Variants in CACNA1E observed in about 807,000 individuals in gnomAD.
CACNA1E encodes the protein calcium voltage-gated channel subunit alpha1 E.
Under a neutral mutation model 259.2 loss-of-function variants are expected in CACNA1E, and 40 were observed. That is an observed-to-expected ratio of 0.15 (90% CI 0.12 to 0.20). The LOEUF (loss-of-function observed/expected upper bound fraction) is 0.20. Ranked by LOEUF, CACNA1E falls within the 10% of genes least tolerant of loss-of-function variation. The pLI is 1.00. For missense variants in CACNA1E, 1,874 were observed against 3,040.1 expected (o/e 0.62, Z 9.02); for synonymous variants, 1,104 against 1,138.5 (o/e 0.97, Z 0.61).
chr1:181,334,554 A>G (rs1444793146), intron 1 of CACNA1E, among the ~76,000 whole-genome samples: 1 of 152,122 alleles, frequency 6.6e-6, no homozygotes, highest in Non-Finnish European at 1.5e-5. Flanking sequence ...TGACAACACC[A>G]TCCTTCTAAT....
At chr1:181,419,117 AT>A (rs1658514673) in intron 2 of CACNA1E, among the ~76,000 whole-genome samples, 2 of 152,124 alleles carry the variant, frequency 1.3e-5, no homozygotes, top group South Asian at 4.1e-4. Context: ...TTCACAAAGG[AT>A]TTAGAAAGGT....
At chr1:181,484,208 A>C (rs1465580070) in intron 1 of CACNA1E, among the ~76,000 whole-genome samples, 198 bp downstream of exon 1, 2 of 152,014 alleles carry the variant, frequency 1.3e-5, no homozygotes, top group African/African-American at 4.8e-5. Context: ...TTTCAAGGTA[A>C]GACTTTTGGT....
intron 1 of CACNA1E, among the ~76,000 whole-genome samples, chr1:181,360,022 T>C (rs1653747036): frequency 6.6e-6 from 1 of 152,170 alleles, no homozygotes; most frequent in African/African-American, 2.4e-5. Context: ...GCAAGGCTGC[T>C]CTAGGTCTGA....
chr1:181,680,762 A>C, intron 7 of CACNA1E, among the ~76,000 whole-genome samples: 1 of 152,148 alleles, frequency 6.6e-6, no homozygotes, highest in East Asian at 1.9e-4. Context: ...GGGGCGCTTG[A>C]AAACGTTGGC....
intron 1 of CACNA1E, among the ~76,000 whole-genome samples, chr1:181,328,822 C>T (rs771013905): frequency 3.9e-5 from 6 of 152,158 alleles, no homozygotes; most frequent in Non-Finnish European, 8.8e-5. Context: ...TTGGGAGGCC[C>T]TCACGCCAAA....
At chr1:181,355,542 C>T (rs991458670) in intron 1 of CACNA1E, among the ~76,000 whole-genome samples, 11 of 152,024 alleles carry the variant, frequency 7.2e-5, no homozygotes, top group African/African-American at 2.4e-4. Flanking sequence ...GAGCCGAAAT[C>T]GCACCAATAC....
chr1:181,671,802 A>G (rs6662841), intron 7 of CACNA1E, among the ~76,000 whole-genome samples: 21,240 of 152,264 alleles, frequency 0.14, 2,903 homozygotes, highest in African/African-American at 0.36. Context: ...GGAAGGCTTC[A>G]TTCTTCACTC....
chr1:181,634,045 G>A (rs1179356506), intron 6 of CACNA1E, among the ~76,000 whole-genome samples: 1 of 152,206 alleles, frequency 6.6e-6, no homozygotes, highest in African/African-American at 2.4e-5. Context: ...TGGCCCACCA[G>A]TTTGCACCCC....
In CACNA1E at chr1:181,794,891, C is replaced by T. The variant is rs1259782913; in HGVS notation, c.6055C>T (p.Arg2019Cys). Residue 2019 changes from arginine (R) to cysteine (C), a missense_variant, in exon 46 of 48, where the codon CGT becomes TGT. Physicochemically the swap from Arg to Cys is radical, Grantham distance 180. Around this residue, in one of 14 missense-constraint regions of CACNA1E, gnomAD observed 542 missense variants for 587.2 expected, o/e 0.92. Coordinates refer to ENST00000367573, the MANE Select transcript of CACNA1E (RefSeq NM_001205293.3). ...QVVTDPSSMR[R>C]SFSTIRDKRS... ...GGTGACAGACCCTAGCTCCATGAGA[C>T]GTTCATTTTCCACTATTCGGGATAA... 7 of 1,613,546 alleles carry T rather than the reference C, an allele frequency of 4.3e-6. No homozygotes were observed. The highest frequency in any genetic ancestry group is 8.5e-7 in the Non-Finnish European group (1 of 1,179,634).
intron 6 of CACNA1E, among the ~76,000 whole-genome samples, chr1:181,602,099 A>C (rs886576415): frequency 6.6e-6 from 1 of 152,150 alleles, no homozygotes; most frequent in African/African-American, 2.4e-5. Flanking sequence ...CCTCCTTCCC[A>C]GTACTCTCTT....
intron 7 of CACNA1E, among the ~76,000 whole-genome samples, chr1:181,698,585 T>C (rs560671582): frequency 3.6e-4 from 55 of 152,298 alleles, no homozygotes; most frequent in African/African-American, 1.3e-3. Context: ...TCGTCTTTCA[T>C]GGCATTTTGT....
intron 1 of CACNA1E, among the ~76,000 whole-genome samples, chr1:181,507,496 C>G (rs140801172): frequency 7.2e-5 from 11 of 152,266 alleles, no homozygotes; most frequent in Middle Eastern, 3.4e-3. Context: ...AAGCAGGGAG[C>G]TGGGGCAGTG....
At chr1:181,486,371 A>G (rs573716846) in intron 1 of CACNA1E, among the ~76,000 whole-genome samples, 28 of 152,386 alleles carry the variant, frequency 1.8e-4, no homozygotes, top group African/African-American at 6.7e-4. Context: ...GTTGGAAAAT[A>G]TAAAATACAC....
At chr1:181,502,711 T>C (rs1264511928) in intron 1 of CACNA1E, among the ~76,000 whole-genome samples, 1 of 152,180 alleles carries the variant, frequency 6.6e-6, no homozygotes, top group Non-Finnish European at 1.5e-5. Flanking sequence ...TTTTGTTTTG[T>C]TTTTTGAGAC....
intron 7 of CACNA1E, among the ~76,000 whole-genome samples, chr1:181,690,077 C>T (rs12406557): frequency 0.81 from 122,674 of 152,144 alleles, 49,713 homozygotes; most frequent in Non-Finnish European, 0.85. Context: ...TGGTATTGCC[C>T]AGGTTTTCTT....
At chr1:181,544,168 G>A (rs1216952508) in intron 3 of CACNA1E, among the ~76,000 whole-genome samples, 1 of 152,154 alleles carries the variant, frequency 6.6e-6, no homozygotes, top group Non-Finnish European at 1.5e-5. Flanking sequence ...TATAATGTGG[G>A]TGGACCTGGA....
intron 3 of CACNA1E, among the ~76,000 whole-genome samples, chr1:181,512,627 T>C (rs1006960748): frequency 6.6e-6 from 1 of 152,226 alleles, no homozygotes; most frequent in Non-Finnish European, 1.5e-5. Context: ...CAAAATACTC[T>C]TATTTTTTAA....
intron 1 of CACNA1E, among the ~76,000 whole-genome samples, chr1:181,371,986 A>G (rs1384888381): frequency 6.6e-6 from 1 of 152,184 alleles, no homozygotes; most frequent in African/African-American, 2.4e-5. Flanking sequence ...TGGTTACTGT[A>G]GCCTTGTAGT....
At chr1:181,648,318 A>G (rs1341381563) in intron 6 of CACNA1E, among the ~76,000 whole-genome samples, 1 of 152,354 alleles carries the variant, frequency 6.6e-6, no homozygotes, top group East Asian at 1.9e-4. Context: ...AGGTTGAAGC[A>G]ACACCAAAAC....
Sources: allele counts gnomAD v4.1 joint callset (sites outside exome capture counted in the v4.1 genomes callset), GRCh38; gene constraint gnomAD v4.1.1; regional missense constraint gnomAD v4.1.1; transcripts MANE v1.5; gene names NCBI Gene and HGNC (gene_info 2026-07-23, HGNC 2026-07-21).